The following SH3TC2 variants were observed in gnomAD, a reference collection of about 807,000 sequenced individuals.
The protein encoded by SH3TC2 is SH3 domain and tetratricopeptide repeats 2.
A neutral mutation model predicts 124.5 loss-of-function variants in SH3TC2; 87 were observed. The ratio of observed to expected loss-of-function variants is 0.70; its 90% CI spans 0.59 to 0.84. The LOEUF (loss-of-function observed/expected upper bound fraction) is 0.84. Among genes scored for constraint, SH3TC2 ranks in the 40% least tolerant of loss-of-function variants. The pLI, the probability that SH3TC2 is intolerant of heterozygous loss-of-function variation, is 0.00. For missense variants in SH3TC2, 1,536 were observed against 1,566.4 expected (o/e 0.98, Z 0.33); for synonymous variants, 634 against 628.5 (o/e 1.01, Z -0.13).
At position 149,007,121 on chromosome 5, in the gene SH3TC2, T is replaced by A. The variant is rs753589616; in HGVS notation, c.3479-44A>T. 2.5e-6 allele frequency: 4 copies of A among 1,583,344 alleles called. No homozygotes were observed. In the East Asian group the frequency reaches 8.9e-5, roughly 35 times the overall value. On this transcript the variant is annotated intron_variant, in intron 15 of 16. Coordinates refer to ENST00000515425, the MANE Select transcript of SH3TC2 (RefSeq NM_024577.4). ...AGAGAGATATCCTGCAACCAACACT[T>A]TGCATCATTTGTTCACTCATTCATT... is the stretch of plus-strand genomic sequence containing the variant.
Position 149,027,502 on chromosome 5 carries a change from G to C in SH3TC2, c.2230C>G (p.Leu744Val), listed in dbSNP as rs962648069. The C allele has an allele frequency of 2.5e-6, 4 of 1,614,202 alleles. No homozygotes were observed. Among genetic ancestry groups the C allele is most frequent in the Non-Finnish European group, 3.4e-6 (4 of 1,180,032 alleles). ...TCTGCTAGTTCCTCACAGGCAGCCA[G>C]GGCCTGTCTGAGCATTGGGCAGGCC... ...ALACPMLRQA[L>V]AACEELADRS... The change falls in exon 11 of 17, where the codon CTG becomes GTG. Residue 744 changes from leucine to valine, a missense_variant. By Grantham distance (32) the Leu-to-Val change is conservative (BLOSUM62 1). Around this residue, in one of 3 missense-constraint regions of SH3TC2, gnomAD observed 1,102 missense variants for 1,098.6 expected, o/e 1.00. Transcript: ENST00000515425.
At position 148,999,953 on chromosome 5, in the gene SH3TC2, C is replaced by A. The variant is rs776855848; in HGVS notation, c.*4758G>T. 1.3e-5 allele frequency among the ~76,000 whole-genome samples: 2 copies of A among 152,140 alleles called. No homozygotes were observed. Among genetic ancestry groups the A allele is most frequent in the South Asian group, 2.1e-4 (1 of 4,822 alleles). ...CATCACCCCCTGTCCACCCTCTGGACCTTTGCTTGACACATGCACTGTCTG... is the reference window on the plus strand; with the variant it reads ...CATCACCCCCTGTCCACCCTCTGGAACTTTGCTTGACACATGCACTGTCTG... On this transcript the variant is annotated 3_prime_UTR_variant, in exon 17 of 17. Transcript: ENST00000515425.
Position 149,028,511 on chromosome 5 carries a change from G to A in SH3TC2, c.1221C>T (p.Ala407=). The change falls in exon 11 of 17, where the codon GCC becomes GCT. Residue 407 remains alanine, a synonymous_variant. Transcript: ENST00000515425. ...EGFKEVRPGR[A]WEEHQAVGSR... ...ACCCCACGGCCTGATGCTCCTCCCA[G>A]GCTCTGCCAGGCCTGACCTCCTTGA... 6.2e-7 allele frequency: 1 copy of A among 1,613,738 alleles called. No individual in the cohort carries two copies. The highest frequency in any genetic ancestry group is 8.5e-7 in the Non-Finnish European group (1 of 1,179,760).
rs1406249127 is a variant in SH3TC2, at chr5:148,983,596, T to C, written c.*21115A>G. Among the ~76,000 whole-genome samples the C allele has an allele frequency of 6.6e-6, 1 of 152,192 alleles. No individual in the cohort carries two copies. Among genetic ancestry groups the C allele is most frequent in the Non-Finnish European group, 1.5e-5 (1 of 68,026 alleles). ...CATCTTGCTGAAGTGCACATTCCCC[T>C]TCCAGTAACAGCAATCTAGCTTCCT... On this transcript the variant is annotated 3_prime_UTR_variant, in exon 17 of 17. Coordinates refer to ENST00000515425, the MANE Select transcript of SH3TC2 (RefSeq NM_024577.4).
At chr5:149,049,879 A>G (rs1754527765) in intron 2 of SH3TC2, among the ~76,000 whole-genome samples, 1 of 152,160 alleles carries the variant, frequency 6.6e-6, no homozygotes, top group Non-Finnish European at 1.5e-5. Flanking sequence ...CACATTAAGC[A>G]TTAGCTGTTC....
intron 1 of SH3TC2, among the ~76,000 whole-genome samples, chr5:149,059,427 A>C (rs1022912216): frequency 2.0e-5 from 3 of 151,542 alleles, no homozygotes; most frequent in African/African-American, 7.3e-5. Flanking sequence ...CTACCCACCC[A>C]CCACCATGCT....
rs1754085340 is a variant in SH3TC2, at chr5:149,027,351, T to C, written c.2381A>G (p.Glu794Gly). ...LVLGQLLGEQ[E>G]SFESSLCLAW... is the part of the protein sequence containing the mutation. Reference sequence around the variant, plus strand: ...CAGGCAGAGAGAAGACTCAAAGGATTCCTGCTCACCCAGCAGCTGCCCTAG... The same window carrying C: ...CAGGCAGAGAGAAGACTCAAAGGATCCCTGCTCACCCAGCAGCTGCCCTAG... Residue 794 changes from glutamate (E) to glycine (G), a missense_variant, in exon 11 of 17, where the codon GAA becomes GGA. Around this residue, in one of 3 missense-constraint regions of SH3TC2, gnomAD observed 1,102 missense variants for 1,098.6 expected, o/e 1.00. Coordinates refer to ENST00000515425, the MANE Select transcript of SH3TC2 (RefSeq NM_024577.4). 1 of 1,614,016 alleles carries C rather than the reference T, an allele frequency of 6.2e-7. No homozygotes were observed. The highest frequency in any genetic ancestry group is 2.2e-5 in the East Asian group (1 of 44,884).
intron 12 of SH3TC2, among the ~76,000 whole-genome samples, chr5:149,022,311 A>G (rs1237622766): frequency 6.6e-6 from 1 of 152,210 alleles, no homozygotes; most frequent in Non-Finnish European, 1.5e-5. Flanking sequence ...AGTCATTAAG[A>G]AAATGTAAAT....
At chr5:149,014,579 A>G (rs981642428) in intron 12 of SH3TC2, among the ~76,000 whole-genome samples, 4 of 152,188 alleles carry the variant, frequency 2.6e-5, no homozygotes, top group African/African-American at 9.7e-5. Flanking sequence ...TGTAAGAAAG[A>G]AAAAACCCAA....
Position 149,027,558 on chromosome 5 carries a change from G to A in SH3TC2, c.2174C>T (p.Pro725Leu). 1.2e-6 allele frequency: 2 copies of A among 1,614,256 alleles called. No individual in the cohort carries two copies. Among genetic ancestry groups the A allele is most frequent in the Non-Finnish European group, 1.7e-6 (2 of 1,180,042 alleles). ...AGAAACTTCACCCCAGCCTGGGGAA[G>A]GAAAGCCAAGGAGCTTGGTTGTGTT... ...LQNTTKLLGFPSPGWGEVSAL... is the reference protein window; with the variant it reads ...LQNTTKLLGFLSPGWGEVSAL... The change falls in exon 11 of 17, where the codon CCT becomes CTT. Residue 725 changes from proline (P) to leucine (L), a missense_variant. Transcript: ENST00000515425.
rs530015736 is a variant in SH3TC2, at chr5:149,016,911, C to A, written c.3054-4177G>T. On this transcript the variant is annotated intron_variant, in intron 12 of 16. Transcript: ENST00000515425. Reference sequence around the variant, plus strand: ...CTGCACTCCAGCCTGGGTAACAGGGCGAGACTCCGTCTCAAAAAAAAAAAA... The same window carrying A: ...CTGCACTCCAGCCTGGGTAACAGGGAGAGACTCCGTCTCAAAAAAAAAAAA... Among the ~76,000 whole-genome samples the A allele has an allele frequency of 5.5e-3, 698 of 128,008 alleles. 6 individuals are homozygous for A. The highest frequency in any genetic ancestry group is 0.019 in the African/African-American group (635 of 33,228). 84.0% of individuals were successfully genotyped at this position (128,008 alleles called of 152,430 possible).
intron 8 of SH3TC2, among the ~76,000 whole-genome samples, chr5:149,032,990 A>G (rs1003262156): frequency 6.6e-6 from 1 of 152,172 alleles, no homozygotes; most frequent in African/African-American, 2.4e-5. Context: ...AGTTTTATAG[A>G]TCTCTTAAAT....
rs10059913 is a variant in SH3TC2, at chr5:149,039,476, T to C, written c.806-986A>G. On this transcript the variant is annotated intron_variant, in intron 7 of 16. Transcript: ENST00000515425. ...GTTTCCATATTTGCTTTAGCTTCTC[T>C]GCTAAAGCTACTAGCCTATTTTTTC... Among the ~76,000 whole-genome samples, 715 of 152,328 alleles carry C rather than the reference T, an allele frequency of 4.7e-3. 9 individuals are homozygous for C. The highest frequency in any genetic ancestry group is 0.016 in the African/African-American group (672 of 41,570).
At chr5:149,060,088 G>T (rs553582575) in intron 1 of SH3TC2, among the ~76,000 whole-genome samples, 1 of 152,158 alleles carries the variant, frequency 6.6e-6, no homozygotes, top group Non-Finnish European at 1.5e-5. Flanking sequence ...TTATCAAAAA[G>T]GTTGAAAGGA....
rs1753409352 is a variant in SH3TC2 at position 148,990,810 on chromosome 5, T to A, written c.*13901A>T. Among the ~76,000 whole-genome samples the A allele has an allele frequency of 1.3e-5, 2 of 152,202 alleles. No homozygotes were observed. Among genetic ancestry groups the A allele is most frequent in the Admixed American group, 1.3e-4 (2 of 15,282 alleles). On this transcript the variant is annotated 3_prime_UTR_variant, in exon 17 of 17. Coordinates refer to ENST00000515425, the MANE Select transcript of SH3TC2 (RefSeq NM_024577.4). Reference sequence around the variant, plus strand: ...TATAATAGCAATTATATATTAAATATTTGCAATAAGCAAGGCCCTGAGTTA... The same window carrying A: ...TATAATAGCAATTATATATTAAATAATTGCAATAAGCAAGGCCCTGAGTTA...
chr5:149,029,981 G>A (rs987733534), intron 9 of SH3TC2, among the ~76,000 whole-genome samples: 1 of 152,154 alleles, frequency 6.6e-6, no homozygotes, highest in African/African-American at 2.4e-5. Flanking sequence ...TTTTCCTGCT[G>A]TTCTCCAGGA....
intron 8 of SH3TC2, among the ~76,000 whole-genome samples, chr5:149,036,344 C>T (rs768585450): frequency 6.6e-6 from 1 of 152,096 alleles, no homozygotes; most frequent in Non-Finnish European, 1.5e-5. Context: ...CCTGCTGTAC[C>T]TCTCTGATGA....
In SH3TC2 at chr5:148,984,083, G is replaced by T. The variant is rs1174500989; in HGVS notation, c.*20628C>A. ...ACATGAATATTGATATCACTTCCCA[G>T]ATTTGGGACGTTTTCAGCTATTATT... On this transcript the variant is annotated 3_prime_UTR_variant, in exon 17 of 17. Transcript: ENST00000515425. Among the ~76,000 whole-genome samples, 2 of 152,150 alleles carry T rather than the reference G, an allele frequency of 1.3e-5. No homozygotes were observed. Among genetic ancestry groups the T allele is most frequent in the Admixed American group, 1.3e-4 (2 of 15,276 alleles).
chr5:149,044,977 T>G, intron 3 of SH3TC2: 1 of 185,422 alleles, frequency 5.4e-6, no homozygotes, highest in Non-Finnish European at 1.1e-5. Flanking sequence ...TTTTTGTGTT[T>G]AAAAAAAAAA....
Sources: allele counts gnomAD v4.1 joint callset (sites outside exome capture counted in the v4.1 genomes callset), GRCh38; gene constraint gnomAD v4.1.1; regional missense constraint gnomAD v4.1.1; transcripts MANE v1.5; gene names NCBI Gene and HGNC (gene_info 2026-07-23, HGNC 2026-07-21).